NRG3: variants seen among roughly 807,000 people sequenced by gnomAD.
NRG3 encodes pro-neuregulin-3, membrane-bound isoform.
Under a neutral mutation model 66.9 loss-of-function variants are expected in NRG3, and 31 were observed. The observed-to-expected ratio is 0.46, with a 90% CI of 0.35 to 0.63. The LOEUF (loss-of-function observed/expected upper bound fraction) is 0.63, where lower values mean the gene tolerates loss of function less well. Ranked by LOEUF, NRG3 falls within the 20% of genes least tolerant of loss-of-function variation. The probability of loss-of-function intolerance (pLI) is 0.00; values close to 1 mark genes in which losing one functional copy is unlikely to be tolerated. For missense variants in NRG3, 910 were observed against 878.9 expected, an observed-to-expected ratio of 1.04 and a Z score of -0.45; for synonymous variants, 393 against 359.4, an observed-to-expected ratio of 1.09 and a Z score of -1.06.
intron 1 of NRG3, among the ~76,000 whole-genome samples, chr10:82,070,136 C>T (rs2064721314): frequency 6.6e-6 from 1 of 152,150 alleles, no homozygotes; most frequent in South Asian, 2.1e-4. Flanking sequence ...CTTAAAACAG[C>T]TGCTTTCAAA....
At chr10:81,924,999 A>G (rs1299670678) in intron 1 of NRG3, among the ~76,000 whole-genome samples, 1 of 152,186 alleles carries the variant, frequency 6.6e-6, no homozygotes, top group Non-Finnish European at 1.5e-5. Context: ...GCTTCCTTTC[A>G]GTCCTATGCT....
intron 2 of NRG3, among the ~76,000 whole-genome samples, chr10:82,449,841 C>G (rs956939211): frequency 1.3e-5 from 2 of 152,026 alleles, no homozygotes; most frequent in African/African-American, 4.8e-5. Flanking sequence ...GAGTGAAGAT[C>G]AAAACAATAA....
chr10:82,837,810 A>G (rs1006085308), intron 3 of NRG3, among the ~76,000 whole-genome samples: 1 of 152,182 alleles, frequency 6.6e-6, no homozygotes, highest in Non-Finnish European at 1.5e-5. Flanking sequence ...AATGCTTGTC[A>G]TGAGGTGCAG....
At chr10:82,178,894 T>C (rs112701243) in intron 1 of NRG3, among the ~76,000 whole-genome samples, 20 of 152,092 alleles carry the variant, frequency 1.3e-4, no homozygotes, top group Non-Finnish European at 2.6e-4. Flanking sequence ...TGTTATTTTA[T>C]GTTTTTCTTT....
intron 1 of NRG3, among the ~76,000 whole-genome samples, chr10:82,048,769 T>A: frequency 6.6e-6 from 1 of 150,732 alleles, no homozygotes. Context: ...CTGAAGGAAA[T>A]AGAGACACAA....
chr10:81,911,798 C>T (rs1845196284), intron 1 of NRG3, among the ~76,000 whole-genome samples: 1 of 151,624 alleles, frequency 6.6e-6, no homozygotes, highest in Non-Finnish European at 1.5e-5. Context: ...ATATAAAGGG[C>T]AAAGGTAATG....
At chr10:82,287,280 G>C (rs2079473358) in intron 1 of NRG3, among the ~76,000 whole-genome samples, 1 of 151,924 alleles carries the variant, frequency 6.6e-6, no homozygotes, top group South Asian at 2.1e-4. Context: ...CCCCACAAGT[G>C]CTCTTGTGCC....
At chr10:82,371,768 G>A (rs1382866073) in intron 2 of NRG3, among the ~76,000 whole-genome samples, 1 of 152,174 alleles carries the variant, frequency 6.6e-6, no homozygotes, top group Non-Finnish European at 1.5e-5. Flanking sequence ...GAAGGTGAAG[G>A]GGAGCATTAT....
chr10:81,902,114 C>T (rs375677642), intron 1 of NRG3, among the ~76,000 whole-genome samples: 6 of 152,058 alleles, frequency 3.9e-5, no homozygotes, highest in African/African-American at 1.4e-4. Context: ...TTGTGAGTTT[C>T]CTCATTGTTC....
intron 2 of NRG3, among the ~76,000 whole-genome samples, chr10:82,695,208 A>G (rs2055276272): frequency 6.6e-6 from 1 of 152,162 alleles, no homozygotes; most frequent in Admixed American, 6.6e-5. Flanking sequence ...TTTAAAATAT[A>G]TATTTAACGT....
At chr10:82,335,841 AC>A (rs1337942945) in intron 1 of NRG3, among the ~76,000 whole-genome samples, 1 of 152,214 alleles carries the variant, frequency 6.6e-6, no homozygotes, top group African/African-American at 2.4e-5. Context: ...ATAAATAATG[AC>A]AAAAATGTCT....
chr10:81,954,824 C>G (rs1160804531), intron 1 of NRG3, among the ~76,000 whole-genome samples: 1 of 152,118 alleles, frequency 6.6e-6, no homozygotes, highest in Non-Finnish European at 1.5e-5. Context: ...CTCATATCAC[C>G]TTGCCTGTGT....
At position 82,203,369 on chromosome 10, in the gene NRG3, G is replaced by A. The variant is rs144412289; in HGVS notation, c.824-155370G>A. Among the ~76,000 whole-genome samples the A allele has an allele frequency of 7.3e-4, 111 of 152,276 alleles. 1 individual carries two copies. Among genetic ancestry groups the A allele is most frequent in the African/African-American group, 2.6e-3 (107 of 41,570 alleles). Reference sequence around the variant, plus strand: ...AACACGCCTCCTAGTACTTGAGCTTGAGAAATTCAGCTTGGTTTGAGTTTG... The same window carrying A: ...AACACGCCTCCTAGTACTTGAGCTTAAGAAATTCAGCTTGGTTTGAGTTTG... On this transcript the variant is annotated intron_variant, in intron 1 of 8. Transcript: ENST00000372141.
intron 1 of NRG3, among the ~76,000 whole-genome samples, chr10:82,309,701 A>G (rs2080925834): frequency 6.6e-6 from 1 of 152,154 alleles, no homozygotes; most frequent in African/African-American, 2.4e-5. Flanking sequence ...TAAAAAATTG[A>G]CTGAAACAAA....
chr10:82,450,419 G>C (rs571911379), intron 2 of NRG3, among the ~76,000 whole-genome samples: 42 of 152,242 alleles, frequency 2.8e-4, no homozygotes, highest in African/African-American at 9.9e-4. Context: ...CCTGAAGACT[G>C]GCCTTAGCAG....
Position 82,518,806 on chromosome 10 carries a change from G to A in NRG3, c.953+159938G>A, listed in dbSNP as rs149490181. Among the ~76,000 whole-genome samples the A allele has an allele frequency of 3.3e-3, 495 of 152,068 alleles. 4 individuals carry two copies. Among genetic ancestry groups the A allele is most frequent in the African/African-American group, 0.011 (462 of 41,482 alleles). The stretch of plus-strand genomic sequence containing the variant: ...TCCTTGATTTTATCAGCATGCTCAC[G>A]TTCAAAAAATCCCATTGTGAGGTAT... On this transcript the variant is annotated intron_variant, in intron 2 of 8. Transcript: ENST00000372141.
At chr10:82,429,700 A>AT (rs1245723477) in intron 2 of NRG3, among the ~76,000 whole-genome samples, 1 of 151,898 alleles carries the variant, frequency 6.6e-6, no homozygotes, top group South Asian at 2.1e-4. Flanking sequence ...TTCTTTAAAT[A>AT]TTTTTTCCGC....
chr10:82,260,286 A>G (rs958702738), intron 1 of NRG3, among the ~76,000 whole-genome samples: 1 of 152,232 alleles, frequency 6.6e-6, no homozygotes, highest in African/African-American at 2.4e-5. Flanking sequence ...GGTACAAATA[A>G]CACATGGGAG....
chr10:82,736,469 G>T (rs935278636), intron 2 of NRG3, among the ~76,000 whole-genome samples: 8 of 152,194 alleles, frequency 5.3e-5, no homozygotes, highest in Admixed American at 2.6e-4. Flanking sequence ...AAAGGAACAG[G>T]GTTTGCTGCC....
Sources: gnomAD v4.1 joint callset for allele counts (sites outside exome capture counted in the v4.1 genomes callset) on GRCh38, gnomAD v4.1.1 for gene constraint, MANE v1.5 for transcripts, NCBI Gene and HGNC (gene_info 2026-07-23, HGNC 2026-07-21) for gene names.